Variants in FAT3 observed in about 807,000 individuals in gnomAD.
The protein encoded by FAT3 is protocadherin Fat 3.
Under a neutral mutation model 310.2 loss-of-function variants are expected in FAT3, and 95 were observed. The observed-to-expected ratio is 0.31, with a 90% CI of 0.26 to 0.36. FAT3 has a LOEUF of 0.36. FAT3 is among the 10% of genes least tolerant of loss of function. The pLI is 1.00. For missense variants in FAT3, 5,408 were observed against 5,715.6 expected (o/e 0.95, Z 1.74); for synonymous variants, 2,314 against 2,192.9 (o/e 1.06, Z -1.54).
intron 1 of FAT3, among the ~76,000 whole-genome samples, chr11:92,335,374 G>A (rs1948040487): frequency 1.3e-5 from 2 of 152,080 alleles, no homozygotes; most frequent in African/African-American, 2.4e-5. Context: ...TTTTGCAATC[G>A]ATTAGATGAT....
At chr11:92,837,875 T>G in intron 17 of FAT3, 69 bp downstream of exon 17, 1 of 1,590,058 alleles carries the variant, frequency 6.3e-7, no homozygotes. Context: ...TGTGGTTTAC[T>G]CATTGTGGTT....
chr11:92,618,269 C>T (rs1340883932), intron 3 of FAT3, among the ~76,000 whole-genome samples: 1 of 152,204 alleles, frequency 6.6e-6, no homozygotes, highest in East Asian at 1.9e-4. Context: ...GGGTGTAGAA[C>T]CCTCTGAGCC....
At chr11:92,418,435 CACA>C (rs797018630) in intron 2 of FAT3, among the ~76,000 whole-genome samples, 1 of 106,522 alleles carries the variant, frequency 9.4e-6, no homozygotes, top group African/African-American at 3.6e-5. Flanking sequence ...CCCACCCCCC[CACA>C]CACACACAGA....
chr11:92,698,551 C>T (rs986176069), intron 4 of FAT3, among the ~76,000 whole-genome samples: 5 of 151,970 alleles, frequency 3.3e-5, no homozygotes, highest in African/African-American at 1.2e-4. Context: ...TTTGTATCAA[C>T]GTATTTTTAA....
chr11:92,250,374 T>C (rs1323800335), intron 1 of FAT3, among the ~76,000 whole-genome samples: 1 of 152,146 alleles, frequency 6.6e-6, no homozygotes, highest in African/African-American at 2.4e-5. Flanking sequence ...CTAAGCATTT[T>C]TATTATAATA....
chr11:92,581,784 A>G (rs1476332906), intron 3 of FAT3, among the ~76,000 whole-genome samples: 3 of 151,988 alleles, frequency 2.0e-5, no homozygotes, highest in Non-Finnish European at 2.9e-5. Context: ...CATGATGTAA[A>G]ATGCTGTACA....
At chr11:92,829,267 A>G (rs1313344776) in intron 13 of FAT3, among the ~76,000 whole-genome samples, 1 of 152,222 alleles carries the variant, frequency 6.6e-6, no homozygotes. Context: ...TTCCCAGCAC[A>G]TGCACTAATG....
Position 92,373,760 on chromosome 11 carries a change from GCACACACACACA to G in FAT3, c.3292+18395_3292+18406del, listed in dbSNP as rs57651290. Among the ~76,000 whole-genome samples, 796 of 130,062 alleles carry G rather than the reference GCACACACACACA, an allele frequency of 6.1e-3. 5 individuals carry two copies. Among genetic ancestry groups the G allele is most frequent in the African/African-American group, 0.014 (503 of 37,132 alleles). 85.3% of individuals were successfully genotyped at this position (130,062 alleles called of 152,430 possible). Reference sequence around the variant, plus strand: ...AGACAGAACCAGTGGAGATATGTATGCACACACACACACACACACACACACACACACACACAC... The same window carrying G: ...AGACAGAACCAGTGGAGATATGTATGCACACACACACACACACACACACAC... On this transcript the variant is annotated intron_variant, in intron 2 of 27. Coordinates refer to ENST00000525166, the MANE Select transcript of FAT3 (RefSeq NM_001367949.2).
At chr11:92,479,565 T>C (rs1264350567) in intron 2 of FAT3, among the ~76,000 whole-genome samples, 3 of 152,194 alleles carry the variant, frequency 2.0e-5, no homozygotes, top group Admixed American at 1.3e-4. Context: ...AAATACAAGC[T>C]GTCCTTCCCA....
chr11:92,812,444 G>A (rs1947700941), intron 13 of FAT3, among the ~76,000 whole-genome samples: 1 of 151,984 alleles, frequency 6.6e-6, no homozygotes, highest in Non-Finnish European at 1.5e-5. Flanking sequence ...AGCCAGGCAT[G>A]GTGGTACTAC....
chr11:92,776,558 C>G (rs1021228385), intron 7 of FAT3, among the ~76,000 whole-genome samples: 8 of 152,054 alleles, frequency 5.3e-5, no homozygotes, highest in African/African-American at 1.7e-4. Flanking sequence ...AATATGGAAA[C>G]ATGTATTACA....
chr11:92,827,606 C>G (rs1403712850), intron 13 of FAT3, among the ~76,000 whole-genome samples: 1 of 152,112 alleles, frequency 6.6e-6, no homozygotes, highest in African/African-American at 2.4e-5. Context: ...TATGTACAGT[C>G]CCACGTCCAA....
At chr11:92,640,925 G>T (rs1941935822) in intron 3 of FAT3, among the ~76,000 whole-genome samples, 1 of 152,152 alleles carries the variant, frequency 6.6e-6, no homozygotes, top group Non-Finnish European at 1.5e-5. Flanking sequence ...CAGTGTTCTG[G>T]TCTGGGCATG....
chr11:92,822,647 T>C lies in FAT3; in HGVS notation c.9482-8975T>C, dbSNP rs138159173. Reference sequence around the variant, plus strand: ...ACTTCTCACATATTACAAAACACTTTCCACCCACGCATCCTCTCCACCTTG... The same window carrying C: ...ACTTCTCACATATTACAAAACACTTCCCACCCACGCATCCTCTCCACCTTG... On this transcript the variant is annotated intron_variant, in intron 13 of 27. Coordinates refer to ENST00000525166, the MANE Select transcript of FAT3 (RefSeq NM_001367949.2). Among the ~76,000 whole-genome samples, 37 of 152,298 alleles carry C rather than the reference T, an allele frequency of 2.4e-4. 1 individual carries two copies. In the East Asian group the frequency reaches 5.0e-3, roughly 21 times the overall value.
chr11:92,335,043 G>A (rs145962688), intron 1 of FAT3, among the ~76,000 whole-genome samples: 99 of 152,124 alleles, frequency 6.5e-4, no homozygotes, highest in African/African-American at 2.1e-3. Flanking sequence ...TGATGATGTC[G>A]CCACAATGTT....
chr11:92,628,851 A>G (rs1195385097), intron 3 of FAT3, among the ~76,000 whole-genome samples: 1 of 152,182 alleles, frequency 6.6e-6, no homozygotes, highest in African/African-American at 2.4e-5. Context: ...CTTCTGAAAG[A>G]AGAAGGGTGC....
At chr11:92,774,925 G>A (rs1029068090) in intron 7 of FAT3, among the ~76,000 whole-genome samples, 1 of 152,170 alleles carries the variant, frequency 6.6e-6, no homozygotes, top group Non-Finnish European at 1.5e-5. Context: ...ATCTTTCTGA[G>A]ACTAGCACAA....
In FAT3 at chr11:92,792,797, A is replaced by G. The variant is rs746002622; in HGVS notation, c.4642A>G (p.Asn1548Asp). Residue 1548 changes from asparagine to aspartate, a missense_variant, in exon 9 of 28, where the codon AAC (asparagine) becomes GAC (aspartate). Transcript: ENST00000525166. The stretch of plus-strand genomic sequence containing the variant: ...AGATCAGGAGTTTCCTTATCGAAGA[A>G]ACTTGGCCCGAGTCATTGTGAATGT... ...VRDQEFPYRR[N>D]LARVIVNVED... 1 of 1,613,826 alleles carries G rather than the reference A, an allele frequency of 6.2e-7. No individual in the cohort carries two copies. Among genetic ancestry groups the G allele is most frequent in the South Asian group, 1.1e-5 (1 of 91,082 alleles).
intron 3 of FAT3, among the ~76,000 whole-genome samples, chr11:92,578,704 C>G (rs1277561185): frequency 1.3e-5 from 2 of 152,114 alleles, no homozygotes; most frequent in Non-Finnish European, 2.9e-5. Context: ...ATCATATAAT[C>G]TTCCTAGGCC....
Sources: allele counts gnomAD v4.1 joint callset (sites outside exome capture counted in the v4.1 genomes callset), GRCh38; gene constraint gnomAD v4.1.1; transcripts MANE v1.5; gene names NCBI Gene and HGNC (gene_info 2026-07-23, HGNC 2026-07-21).